SYNJ1: variants seen among roughly 807,000 people sequenced by gnomAD.
SYNJ1 encodes the protein polyphosphatidylinositol phosphatase SYNJ1.
SYNJ1 carries 78 observed loss-of-function variants against 168.2 expected under a neutral mutation model. The observed-to-expected ratio is 0.46, with a 90% CI of 0.39 to 0.56. The LOEUF is 0.56. Among genes scored for constraint, SYNJ1 ranks in the 20% least tolerant of loss-of-function variants. The pLI is 0.00. For missense variants in SYNJ1, 1,303 were observed against 1,597.6 expected (o/e 0.82, Z 3.14); for synonymous variants, 539 against 548.6 (o/e 0.98, Z 0.24).
intron 15 of SYNJ1, 74 bp downstream of exon 15, chr21:32,670,214 A>G: frequency 8.5e-7 from 1 of 1,173,012 alleles, no homozygotes; most frequent in Non-Finnish European, 1.2e-6. Flanking sequence ...CCTTGTAACA[A>G]TTACTTAATT....
At chr21:32,655,141 T>A (rs934780702) in intron 21 of SYNJ1, among the ~76,000 whole-genome samples, 9 of 152,182 alleles carry the variant, frequency 5.9e-5, no homozygotes, top group African/African-American at 1.9e-4. Flanking sequence ...TCTTTAGAGG[T>A]TGGGTTATAA....
chr21:32,631,523 A>C lies in SYNJ1; in HGVS notation c.*282T>G. Reference sequence around the variant, plus strand: ...TGAAAGGATTTGTCCTGGTCAAGCCAGTAATAAATGGGTTTGGAGAACTTC... The same window carrying C: ...TGAAAGGATTTGTCCTGGTCAAGCCCGTAATAAATGGGTTTGGAGAACTTC... On this transcript the variant is annotated 3_prime_UTR_variant, in exon 33 of 33. Coordinates refer to ENST00000674351, the MANE Select transcript of SYNJ1 (RefSeq NM_203446.3). 2 of 1,614,140 alleles carry C rather than the reference A, an allele frequency of 1.2e-6. No homozygotes were observed. Among genetic ancestry groups the C allele is most frequent in the Non-Finnish European group, 1.7e-6 (2 of 1,180,000 alleles).
At chr21:32,703,869 A>G (rs1387074237) in intron 2 of SYNJ1, among the ~76,000 whole-genome samples, 1 of 151,944 alleles carries the variant, frequency 6.6e-6, no homozygotes, top group Non-Finnish European at 1.5e-5. Context: ...ATGTGCCACT[A>G]TGTCCAGCTA....
rs1318838029 is a variant in SYNJ1, at chr21:32,631,237, C to G, written c.*568G>C. ...TCTGAACAAGCTGACTTTGACTTCCCTTTCACACCAAAATCCTCTTCTTCC... is the reference window on the plus strand; with the variant it reads ...TCTGAACAAGCTGACTTTGACTTCCGTTTCACACCAAAATCCTCTTCTTCC... On this transcript the variant is annotated 3_prime_UTR_variant, in exon 33 of 33. Coordinates refer to ENST00000674351, the MANE Select transcript of SYNJ1 (RefSeq NM_203446.3). 6.2e-7 allele frequency: 1 copy of G among 1,614,222 alleles called. No individual in the cohort carries two copies. The highest frequency in any genetic ancestry group is 2.2e-5 in the East Asian group (1 of 44,888).
At chr21:32,725,845 T>A (rs1569143427) in intron 2 of SYNJ1, among the ~76,000 whole-genome samples, 1 of 152,200 alleles carries the variant, frequency 6.6e-6, no homozygotes, top group African/African-American at 2.4e-5. Context: ...TACTTTTTTT[T>A]CTTTTTAATT....
chr21:32,673,847 G>C (rs573635015), intron 13 of SYNJ1, among the ~76,000 whole-genome samples: 152 of 151,794 alleles, frequency 1.0e-3, no homozygotes, highest in Non-Finnish European at 1.8e-3. Flanking sequence ...CAATGAAATG[G>C]TACATTAATG....
chr21:32,665,181 T>G (rs954991871), intron 17 of SYNJ1, 110 bp from the exon 18 acceptor site: 1 of 1,150,642 alleles, frequency 8.7e-7, no homozygotes. Flanking sequence ...TCCTGTTTCT[T>G]TGACCCAACA....
At chr21:32,650,985 C>T (rs1313063720) in intron 22 of SYNJ1, among the ~76,000 whole-genome samples, 1 of 152,144 alleles carries the variant, frequency 6.6e-6, no homozygotes, top group African/African-American at 2.4e-5. Flanking sequence ...ATTTGGGTGA[C>T]TTTTAGACTA....
intron 17 of SYNJ1, among the ~76,000 whole-genome samples, chr21:32,665,299 T>G (rs1230504973): frequency 6.6e-6 from 1 of 152,074 alleles, no homozygotes; most frequent in African/African-American, 2.4e-5. Context: ...CCCATTTTAC[T>G]CCTAAATAAG....
chr21:32,707,281 TC>T (rs1378323424), intron 2 of SYNJ1, among the ~76,000 whole-genome samples: 17 of 150,066 alleles, frequency 1.1e-4, no homozygotes, highest in Admixed American at 2.7e-4. Context: ...TATTTCTTTT[TC>T]CTTTTTTTTT....
At chr21:32,667,077 A>G (rs569554023) in intron 15 of SYNJ1, among the ~76,000 whole-genome samples, 1 of 152,220 alleles carries the variant, frequency 6.6e-6, no homozygotes, top group South Asian at 2.1e-4. Flanking sequence ...TGTTTAGGGA[A>G]TAACGATACA....
Position 32,646,373 on chromosome 21 carries a change from CTT to C in SYNJ1, c.3247+18_3247+19del. ...ATTGGCCACAGGAAGCCATACAAAACTTTCAAATAAAATGCATACTCTGTGCA... is the reference window on the plus strand; with the variant it reads ...ATTGGCCACAGGAAGCCATACAAAACTCAAATAAAATGCATACTCTGTGCA... On this transcript the variant is annotated intron_variant, in intron 24 of 32. Coordinates refer to ENST00000674351, the MANE Select transcript of SYNJ1 (RefSeq NM_203446.3). The C allele has an allele frequency of 6.2e-7, 1 of 1,608,560 alleles. No individual in the cohort carries two copies. The highest frequency in any genetic ancestry group is 8.5e-7 in the Non-Finnish European group (1 of 1,176,134).
In SYNJ1 at chr21:32,650,719, A is replaced by G. The variant is rs573398198; in HGVS notation, c.2875-373T>C. Reference sequence around the variant, plus strand: ...TAAGTAATTGTTCCCACGTGAAACAACTACAAAAGAGACAGCAGAAAATCT... The same window carrying G: ...TAAGTAATTGTTCCCACGTGAAACAGCTACAAAAGAGACAGCAGAAAATCT... On this transcript the variant is annotated intron_variant, in intron 22 of 32. Transcript: ENST00000674351. Among the ~76,000 whole-genome samples, 179 of 152,356 alleles carry G rather than the reference A, an allele frequency of 1.2e-3. 1 individual carries two copies. Among genetic ancestry groups the G allele is most frequent in the African/African-American group, 4.0e-3 (168 of 41,568 alleles).
intron 14 of SYNJ1, among the ~76,000 whole-genome samples, chr21:32,672,409 C>T (rs575624105): frequency 1.1e-4 from 17 of 151,532 alleles, no homozygotes; most frequent in Admixed American, 2.0e-4. Context: ...GTGGGATCTC[C>T]GCTCACTGCA....
chr21:32,688,439 A>G, intron 6 of SYNJ1, 72 bp from the exon 7 acceptor site: 1 of 1,219,142 alleles, frequency 8.2e-7, no homozygotes, highest in Non-Finnish European at 1.2e-6. Context: ...ACTGCTTACA[A>G]TATCTAACAA....
intron 2 of SYNJ1, among the ~76,000 whole-genome samples, chr21:32,722,482 G>A (rs376182485): frequency 4.6e-5 from 7 of 151,972 alleles, no homozygotes; most frequent in Non-Finnish European, 8.8e-5. Context: ...CCCAGGAGGC[G>A]GAGGTTGCAG....
chr21:32,717,210 C>T (rs1262840770), intron 2 of SYNJ1, among the ~76,000 whole-genome samples: 5 of 152,136 alleles, frequency 3.3e-5, no homozygotes, highest in Non-Finnish European at 7.4e-5. Context: ...CCGCCCACCT[C>T]GGCCTCCCAA....
chr21:32,675,100 T>C (rs988051221), intron 13 of SYNJ1, among the ~76,000 whole-genome samples: 2 of 152,198 alleles, frequency 1.3e-5, no homozygotes, highest in African/African-American at 4.8e-5. Flanking sequence ...ATAAAAATAA[T>C]TCTCTATAAT....
chr21:32,636,745 C>T (rs1569022767), intron 31 of SYNJ1, among the ~76,000 whole-genome samples: 6 of 152,038 alleles, frequency 3.9e-5, no homozygotes, highest in Admixed American at 3.3e-4. Flanking sequence ...AAACTGTAAC[C>T]ACTTTGTGAT....
Sources: gnomAD v4.1 joint callset for allele counts (sites outside exome capture counted in the v4.1 genomes callset) on GRCh38, gnomAD v4.1.1 for gene constraint, MANE v1.5 for transcripts, NCBI Gene and HGNC (gene_info 2026-07-23, HGNC 2026-07-21) for gene names.